Variants in CHRM3 observed in about 807,000 individuals in gnomAD.
CHRM3 encodes cholinergic receptor muscarinic 3.
Under a neutral mutation model 41.8 loss-of-function variants are expected in CHRM3, and 11 were observed. The ratio of observed to expected loss-of-function variants is 0.26; its 90% CI spans 0.17 to 0.44. CHRM3 has a LOEUF of 0.44. Among genes scored for constraint, CHRM3 ranks in the 20% least tolerant of loss-of-function variants. The pLI, the probability that CHRM3 is intolerant of heterozygous loss-of-function variation, is 1.00. For missense variants in CHRM3, 571 were observed against 745.4 expected, an observed-to-expected ratio of 0.77 and a Z score of 2.72; for synonymous variants, 297 against 301.4, an observed-to-expected ratio of 0.99 and a Z score of 0.15.
rs538080624 is a variant in CHRM3 at position 239,894,347 on chromosome 1, G to A, written c.-19-13086G>A. The stretch of plus-strand genomic sequence containing the variant: ...CGCAAGTGGATGCCTTGTGGTGGCC[G>A]CCTTGCCGGCATGCCCAGGGACCTC... On this transcript the variant is annotated intron_variant, in intron 6 of 6. Transcript: ENST00000676153. 8.9e-4 allele frequency among the ~76,000 whole-genome samples: 136 copies of A among 152,334 alleles called. 2 individuals carry two copies. In the Middle Eastern group the frequency reaches 0.014, roughly 15 times the overall value.
intron 3 of CHRM3, among the ~76,000 whole-genome samples, chr1:239,614,945 T>C (rs1667470437): frequency 6.6e-6 from 1 of 152,194 alleles, no homozygotes; most frequent in South Asian, 2.1e-4. Flanking sequence ...GTAATGCTTA[T>C]TTTATACACA....
chr1:239,754,563 A>C (rs1438319378), intron 5 of CHRM3, among the ~76,000 whole-genome samples: 2 of 152,204 alleles, frequency 1.3e-5, no homozygotes, highest in African/African-American at 4.8e-5. Context: ...CATGCAGAGG[A>C]TTCTTCTATG....
intron 1 of CHRM3, among the ~76,000 whole-genome samples, chr1:239,431,838 T>G (rs2103176841): frequency 6.6e-6 from 1 of 152,304 alleles, no homozygotes; most frequent in African/African-American, 2.4e-5. Flanking sequence ...ATTTCCACGT[T>G]ACTGTATCCG....
chr1:239,473,161 A>G (rs1386179846), intron 1 of CHRM3, among the ~76,000 whole-genome samples: 2 of 152,038 alleles, frequency 1.3e-5, no homozygotes, highest in Admixed American at 1.3e-4. Context: ...TTAAAATATG[A>G]AAGTAATATA....
chr1:239,825,318 T>C (rs1672367861), intron 5 of CHRM3, among the ~76,000 whole-genome samples: 1 of 152,196 alleles, frequency 6.6e-6, no homozygotes, highest in East Asian at 1.9e-4. Flanking sequence ...TTCTCAACTT[T>C]TATGATGATT....
intron 3 of CHRM3, among the ~76,000 whole-genome samples, chr1:239,556,154 A>T (rs1213564618): frequency 6.6e-6 from 1 of 152,176 alleles, no homozygotes; most frequent in Non-Finnish European, 1.5e-5. Flanking sequence ...TCTTTCCATG[A>T]AGCACAGATT....
intron 6 of CHRM3, among the ~76,000 whole-genome samples, chr1:239,853,857 C>A (rs975152087): frequency 2.6e-5 from 4 of 152,048 alleles, no homozygotes; most frequent in African/African-American, 9.7e-5. Context: ...ATCTTATTTA[C>A]CTTTGTTTCT....
intron 2 of CHRM3, among the ~76,000 whole-genome samples, chr1:239,504,009 AG>A (rs1409109500): frequency 6.6e-6 from 1 of 152,220 alleles, no homozygotes; most frequent in African/African-American, 2.4e-5. Context: ...GGCTTAGGCA[AG>A]GATTTTATGG....
chr1:239,515,594 C>T (rs1669215225), intron 2 of CHRM3, among the ~76,000 whole-genome samples: 1 of 152,146 alleles, frequency 6.6e-6, no homozygotes, highest in Non-Finnish European at 1.5e-5. Flanking sequence ...TTTCCAAAAG[C>T]TTGCCACATG....
intron 2 of CHRM3, among the ~76,000 whole-genome samples, chr1:239,541,603 C>T (rs1658781899): frequency 6.6e-6 from 1 of 152,114 alleles, no homozygotes; most frequent in Non-Finnish European, 1.5e-5. Context: ...CCTCCACCTC[C>T]CAGGCTCAGG....
chr1:239,672,026 A>T (rs1674420992), intron 4 of CHRM3, among the ~76,000 whole-genome samples: 1 of 152,208 alleles, frequency 6.6e-6, no homozygotes, highest in Non-Finnish European at 1.5e-5. Context: ...CTGGAATTTT[A>T]TCCCAGAGAA....
chr1:239,749,779 T>C (rs1572173914), intron 5 of CHRM3, among the ~76,000 whole-genome samples: 1 of 152,354 alleles, frequency 6.6e-6, no homozygotes, highest in African/African-American at 2.4e-5. Context: ...AGAATTTTCG[T>C]ATTTGTTAAA....
At chr1:239,402,883 T>C (rs976380013) in intron 1 of CHRM3, among the ~76,000 whole-genome samples, 1 of 152,220 alleles carries the variant, frequency 6.6e-6, no homozygotes, top group African/African-American at 2.4e-5. Context: ...CATCACTTCA[T>C]TTGAGTGGAT....
chr1:239,461,232 A>C (rs1665335451), intron 1 of CHRM3, among the ~76,000 whole-genome samples: 1 of 152,174 alleles, frequency 6.6e-6, no homozygotes, highest in Admixed American at 6.5e-5. Context: ...GTTCTGATCA[A>C]GATTATATTT....
intron 5 of CHRM3, among the ~76,000 whole-genome samples, chr1:239,801,400 A>C (rs1174877172): frequency 6.6e-6 from 1 of 152,204 alleles, no homozygotes; most frequent in Non-Finnish European, 1.5e-5. Context: ...TGTTTTCCAT[A>C]AAGTAGCTGA....
At chr1:239,643,829 G>A (rs764352801) in intron 4 of CHRM3, among the ~76,000 whole-genome samples, 2 of 152,178 alleles carry the variant, frequency 1.3e-5, no homozygotes, top group Non-Finnish European at 2.9e-5. Flanking sequence ...GGGACCTCAG[G>A]TGGAAATGCA....
chr1:239,540,113 G>A (rs1373544600), intron 2 of CHRM3, among the ~76,000 whole-genome samples: 3 of 152,230 alleles, frequency 2.0e-5, no homozygotes, highest in African/African-American at 4.8e-5. Context: ...ACTCTATGAC[G>A]TTTGCACAAC....
At chr1:239,552,839 C>T (rs1024908211) in intron 3 of CHRM3, among the ~76,000 whole-genome samples, 1 of 151,790 alleles carries the variant, frequency 6.6e-6, no homozygotes, top group Non-Finnish European at 1.5e-5. Context: ...TGACAAAATA[C>T]CTGCTTGTTT....
At chr1:239,706,686 G>A (rs1661209744) in intron 5 of CHRM3, among the ~76,000 whole-genome samples, 3 of 140,380 alleles carry the variant, frequency 2.1e-5, no homozygotes, top group South Asian at 2.2e-4. Context: ...ACACACGGAG[G>A]CATGCACCCA....
Sources: gnomAD v4.1 joint callset for allele counts (sites outside exome capture counted in the v4.1 genomes callset) on GRCh38, gnomAD v4.1.1 for gene constraint, MANE v1.5 for transcripts, NCBI Gene and HGNC (gene_info 2026-07-23, HGNC 2026-07-21) for gene names.